Variants in PBRM1 observed in about 807,000 individuals in gnomAD.
PBRM1 encodes the protein polybromo 1, also known as protein polybromo-1.
In PBRM1, 27 loss-of-function variants were observed where a neutral mutation model predicts 194.5. The observed-to-expected ratio is 0.14, with a 90% CI of 0.10 to 0.19. The LOEUF (loss-of-function observed/expected upper bound fraction) is 0.19. Among genes scored for constraint, PBRM1 ranks in the 10% least tolerant of loss-of-function variants. The pLI is 1.00. For missense variants in PBRM1, 1,466 were observed against 2,077.2 expected, an observed-to-expected ratio of 0.71 and a Z score of 5.72; for synonymous variants, 655 against 693.2, an observed-to-expected ratio of 0.94 and a Z score of 0.87.
intron 10 of PBRM1, among the ~76,000 whole-genome samples, chr3:52,635,936 T>C (rs2095792210): frequency 6.6e-6 from 1 of 152,184 alleles, no homozygotes; most frequent in East Asian, 1.9e-4. Context: ...TGATCCTGGC[T>C]CACTGCAACC....
At chr3:52,651,149 C>T (rs997601526) in intron 6 of PBRM1, among the ~76,000 whole-genome samples, 16 of 152,138 alleles carry the variant, frequency 1.1e-4, no homozygotes, top group African/African-American at 3.9e-4. Flanking sequence ...TTAGCTAATA[C>T]ACATAAAGCA....
At chr3:52,553,404 A>G (rs2081425864) in intron 27 of PBRM1, among the ~76,000 whole-genome samples, 1 of 152,126 alleles carries the variant, frequency 6.6e-6, no homozygotes, top group South Asian at 2.1e-4. Context: ...ATATTTCTAT[A>G]TAAAAGAACT....
At chr3:52,679,416 C>T (rs998608186) in intron 1 of PBRM1, among the ~76,000 whole-genome samples, 158 bp downstream of exon 2, 2 of 152,200 alleles carry the variant, frequency 1.3e-5, no homozygotes, top group Non-Finnish European at 2.9e-5. Context: ...TACTCTAAGA[C>T]TTAGCTGAAT....
At position 52,647,642 on chromosome 3, in the gene PBRM1, C is replaced by T. The variant is rs150324214; in HGVS notation, c.813+702G>A. On this transcript the variant is annotated intron_variant, in intron 7 of 29. Transcript: ENST00000296302. ...ATATCCCTATAGTAGAATATTATTC[C>T]GCAATAAAAAGAACATAGTACTGAC... Among the ~76,000 whole-genome samples, 570 of 151,228 alleles carry T rather than the reference C, an allele frequency of 3.8e-3. 3 individuals are homozygous for T. The highest frequency in any genetic ancestry group is 0.015 in the South Asian group (71 of 4,794).
chr3:52,652,896 G>A (rs2096534055), intron 5 of PBRM1, among the ~76,000 whole-genome samples: 1 of 151,936 alleles, frequency 6.6e-6, no homozygotes, highest in Non-Finnish European at 1.5e-5. Flanking sequence ...TACTCAGGAG[G>A]CTAAGGCAGG....
intron 10 of PBRM1, among the ~76,000 whole-genome samples, chr3:52,635,866 C>CTTAT (rs1201334534): frequency 6.6e-6 from 1 of 151,594 alleles, no homozygotes; most frequent in Non-Finnish European, 1.5e-5. Context: ...TTATTTATTT[C>CTTAT]TTATTTATTT....
intron 17 of PBRM1, among the ~76,000 whole-genome samples, chr3:52,601,895 A>T (rs2094021107): frequency 6.6e-6 from 1 of 152,192 alleles, no homozygotes; most frequent in Non-Finnish European, 1.5e-5. Context: ...GGCAATGGCT[A>T]TGATAGGTGA....
rs78561615 is a variant in PBRM1, at chr3:52,624,734, T to A, written c.1541+2539A>T. On this transcript the variant is annotated intron_variant, in intron 13 of 29. Transcript: ENST00000296302. ...TTCTGAATTTATTTTGCTAACAAGATTTTTTAAACTGTACTGCTTTCTTTA... is the reference window on the plus strand; with the variant it reads ...TTCTGAATTTATTTTGCTAACAAGAATTTTTAAACTGTACTGCTTTCTTTA... Among the ~76,000 whole-genome samples, 839 of 152,358 alleles carry A rather than the reference T, an allele frequency of 5.5e-3. 1 individual carries two copies. The highest frequency in any genetic ancestry group is 8.7e-3 in the Non-Finnish European group (592 of 68,028).
At chr3:52,612,358 C>G (rs1211045382) in intron 15 of PBRM1, among the ~76,000 whole-genome samples, 2 of 148,804 alleles carry the variant, frequency 1.3e-5, no homozygotes, top group African/African-American at 5.0e-5. Flanking sequence ...AGACATGATA[C>G]AACATAAGGG....
intron 22 of PBRM1, among the ~76,000 whole-genome samples, chr3:52,571,870 A>C (rs1317066240): frequency 6.8e-6 from 1 of 146,216 alleles, no homozygotes; most frequent in Non-Finnish European, 1.5e-5. Flanking sequence ...AAAAAAAAAA[A>C]AAAAAAAAAA....
intron 27 of PBRM1, chr3:52,551,988 A>G (rs1343594614): frequency 6.6e-6 from 1 of 152,188 alleles, no homozygotes; most frequent in Non-Finnish European, 1.5e-5. Flanking sequence ...AGCATAAGAG[A>G]GCCTCTTATT....
intron 13 of PBRM1, among the ~76,000 whole-genome samples, chr3:52,624,005 A>G (rs1429766548): frequency 6.6e-6 from 1 of 152,242 alleles, no homozygotes; most frequent in East Asian, 1.9e-4. Flanking sequence ...TAGCAATTTT[A>G]CTGAGTGGAA....
At chr3:52,547,056 ACT>A (rs1167354211), downstream of PBRM1, 2 of 233,206 alleles carry the variant, frequency 8.6e-6, no homozygotes, top group East Asian at 6.1e-5. Context: ...CTAGTTCCAT[ACT>A]CTCTTACCCA....
At chr3:52,566,889 C>T (rs550375974) in intron 22 of PBRM1, among the ~76,000 whole-genome samples, 1 of 151,816 alleles carries the variant, frequency 6.6e-6, no homozygotes, top group South Asian at 2.1e-4. Context: ...GCCAACATGG[C>T]GAAACCCCGT....
At chr3:52,641,465 A>AAG (rs1553843288) in intron 10 of PBRM1, among the ~76,000 whole-genome samples, 30 of 131,282 alleles carry the variant, frequency 2.3e-4, no homozygotes, top group South Asian at 4.4e-4. Context: ...AAAAAAAAAG[A>AAG]AAAAAAAAAG....
At chr3:52,585,411 A>G (rs2092218185) in intron 20 of PBRM1, 2 of 152,168 alleles carry the variant, frequency 1.3e-5, no homozygotes, top group Non-Finnish European at 2.9e-5. Context: ...ATTCTGTATT[A>G]TATCTCTTCT....
intron 13 of PBRM1, among the ~76,000 whole-genome samples, chr3:52,620,633 G>A (rs759476838): frequency 4.6e-5 from 7 of 152,234 alleles, no homozygotes; most frequent in African/African-American, 1.2e-4. Context: ...AATGGCAAGC[G>A]GTCCATTCTT....
At chr3:52,598,115 C>T (rs2093707464) in intron 17 of PBRM1, among the ~76,000 whole-genome samples, 1 of 152,168 alleles carries the variant, frequency 6.6e-6, no homozygotes, top group South Asian at 2.1e-4. Context: ...ATGATTCACA[C>T]ACCACATAAT....
chr3:52,600,022 TTTTG>T (rs1576474490), intron 17 of PBRM1, among the ~76,000 whole-genome samples: 1 of 152,080 alleles, frequency 6.6e-6, no homozygotes, highest in African/African-American at 2.4e-5. Context: ...CAATCACAAT[TTTTG>T]TTTTTCATTG....
Sources: allele counts gnomAD v4.1 joint callset (sites outside exome capture counted in the v4.1 genomes callset), GRCh38; gene constraint gnomAD v4.1.1; transcripts MANE v1.5; gene names NCBI Gene and HGNC (gene_info 2026-07-23, HGNC 2026-07-21).